CALN1: variants seen among roughly 807,000 people sequenced by gnomAD.
The protein encoded by CALN1 is calneuron 1.
A neutral mutation model predicts 30.6 loss-of-function variants in CALN1; 17 were observed. That is an observed-to-expected ratio of 0.56 (90% confidence interval 0.38 to 0.83). The LOEUF is 0.83. Ranked by LOEUF, CALN1 falls within the 40% of genes least tolerant of loss-of-function variation. The pLI is 0.00. For synonymous variants in CALN1, 156 were observed against 131.4 expected (o/e 1.19, Z -1.28); for missense variants, 291 against 354.9 (o/e 0.82, Z 1.45).
In CALN1 at chr7:71,904,330, G is replaced by A. The variant is rs556469276; in HGVS notation, c.502-93838C>T. On this transcript the variant is annotated intron_variant, in intron 5 of 6. Transcript: ENST00000395275. ...CAAAGGATGAATGGGTAAAGAAAAT[G>A]TAGTATATATTCCCAATGGAATACT... is the stretch of plus-strand genomic sequence containing the variant. 4.6e-5 allele frequency among the ~76,000 whole-genome samples: 7 copies of A among 152,248 alleles called. No individual in the cohort carries two copies. In the South Asian group the frequency reaches 1.5e-3, roughly 32 times the overall value.
chr7:72,086,027 A>G (rs143184502), intron 4 of CALN1, among the ~76,000 whole-genome samples: 1 of 152,194 alleles, frequency 6.6e-6, no homozygotes. Context: ...AAAAATATAT[A>G]AAGTTAGAGA....
At chr7:71,877,791 T>C (rs962978155) in intron 5 of CALN1, among the ~76,000 whole-genome samples, 11 of 152,336 alleles carry the variant, frequency 7.2e-5, no homozygotes, top group Middle Eastern at 3.4e-3. Context: ...GGAATTTATG[T>C]TCATTTGAAA....
the CALN1 span, among the ~76,000 whole-genome samples, chr7:72,492,029 C>T: frequency 1.3e-5 from 2 of 152,306 alleles, no homozygotes; most frequent in East Asian, 3.9e-4. Context: ...CTCCAGTGCC[C>T]TCATCATGCT....
At chr7:72,461,918 G>A in the CALN1 span, among the ~76,000 whole-genome samples, 3 of 152,068 alleles carry the variant, frequency 2.0e-5, no homozygotes, top group Admixed American at 6.6e-5. Flanking sequence ...GGAGGCAGGA[G>A]AATTGCTTGA....
intron 5 of CALN1, among the ~76,000 whole-genome samples, chr7:71,957,148 G>A (rs1797003172): frequency 1.3e-5 from 2 of 151,856 alleles, no homozygotes; most frequent in South Asian, 2.1e-4. Flanking sequence ...ACATGGTCTG[G>A]ATGCTGAAGT....
chr7:72,258,497 A>T (rs1261875704), intron 3 of CALN1, among the ~76,000 whole-genome samples: 1 of 152,182 alleles, frequency 6.6e-6, no homozygotes, highest in Admixed American at 6.5e-5. Flanking sequence ...CAATCAATAA[A>T]CCAGATTAAT....
intron 5 of CALN1, among the ~76,000 whole-genome samples, chr7:71,875,000 A>G (rs1792156988): frequency 6.6e-6 from 1 of 152,086 alleles, no homozygotes; most frequent in Admixed American, 6.6e-5. Flanking sequence ...CCCCGTCTCT[A>G]CTAAAAATAC....
At chr7:72,061,504 A>G (rs1803643569) in intron 4 of CALN1, among the ~76,000 whole-genome samples, 1 of 152,056 alleles carries the variant, frequency 6.6e-6, no homozygotes, top group Non-Finnish European at 1.5e-5. Context: ...CAAGACTACA[A>G]TGAAAATTTC....
intron 3 of CALN1, among the ~76,000 whole-genome samples, chr7:72,187,149 T>C (rs993747117): frequency 2.6e-5 from 4 of 152,154 alleles, no homozygotes; most frequent in African/African-American, 7.2e-5. Flanking sequence ...ATTACTATTA[T>C]TATGACTCTT....
intron 3 of CALN1, among the ~76,000 whole-genome samples, chr7:72,149,547 CAA>C (rs898389835): frequency 9.2e-5 from 14 of 152,070 alleles, no homozygotes; most frequent in Non-Finnish European, 4.4e-5. Context: ...TATAGCAACA[CAA>C]AAACAGATTA....
intron 4 of CALN1, among the ~76,000 whole-genome samples, chr7:72,029,008 T>G (rs538391938): frequency 6.6e-6 from 1 of 152,140 alleles, no homozygotes; most frequent in East Asian, 1.9e-4. Flanking sequence ...TACATACAGA[T>G]AGACAGACAG....
intron 3 of CALN1, among the ~76,000 whole-genome samples, chr7:72,178,462 G>A (rs552142027): frequency 6.6e-6 from 1 of 152,278 alleles, no homozygotes; most frequent in East Asian, 1.9e-4. Context: ...GGAGGCTGAG[G>A]TAGGTGAATC....
chr7:72,498,950 T>C, the CALN1 span, among the ~76,000 whole-genome samples: 1 of 152,148 alleles, frequency 6.6e-6, no homozygotes, highest in Non-Finnish European at 1.5e-5. Context: ...ACGCAAATAA[T>C]TGTTCCTTGG....
intron 3 of CALN1, among the ~76,000 whole-genome samples, chr7:72,114,267 GGGAAGGGAAGGGA>G (rs1335085639): frequency 6.7e-5 from 5 of 74,348 alleles, no homozygotes; most frequent in Admixed American, 3.3e-4. Flanking sequence ...GGGAAGGGAA[GGGAAGGGAAGGGA>G]AGGGAAGGGA....
intron 5 of CALN1, among the ~76,000 whole-genome samples, chr7:71,832,758 G>A (rs977112135): frequency 6.0e-5 from 9 of 150,306 alleles, no homozygotes; most frequent in Admixed American, 1.3e-4. Flanking sequence ...GCACTATCAC[G>A]CCAGGCTAAT....
chr7:72,150,503 G>A (rs1787149225), intron 3 of CALN1, among the ~76,000 whole-genome samples: 1 of 152,194 alleles, frequency 6.6e-6, no homozygotes, highest in Non-Finnish European at 1.5e-5. Context: ...GAGGGTAAGA[G>A]GCTCTCCCTT....
intron 6 of CALN1, among the ~76,000 whole-genome samples, chr7:71,804,085 TTTCTTTA>T (rs1418623019): frequency 1.3e-5 from 2 of 152,184 alleles, no homozygotes; most frequent in African/African-American, 2.4e-5. Flanking sequence ...TCTTATTTTT[TTTCTTTA>T]TTCTTTATTC....
intron 5 of CALN1, among the ~76,000 whole-genome samples, chr7:71,863,598 A>G (rs1260761549): frequency 6.6e-6 from 1 of 151,662 alleles, no homozygotes; most frequent in Non-Finnish European, 1.5e-5. Flanking sequence ...AAAGAAAGAA[A>G]TAACAACAAA....
rs1472352168 is a variant in CALN1 at position 72,266,501 on chromosome 7, A to T, written c.244+12185T>A. ...TGGAAATTTGCAGCTAATGTCATGCACATTCCGAGCCAATGTGTTCCTTTA... is the reference window on the plus strand; with the variant it reads ...TGGAAATTTGCAGCTAATGTCATGCTCATTCCGAGCCAATGTGTTCCTTTA... On this transcript the variant is annotated intron_variant, in intron 3 of 6. Transcript: ENST00000395275. Among the ~76,000 whole-genome samples, 4 of 152,300 alleles carry T rather than the reference A, an allele frequency of 2.6e-5. No homozygotes were observed. In the East Asian group the frequency reaches 7.7e-4, roughly 29 times the overall value.
Sources: gnomAD v4.1 joint callset for allele counts (sites outside exome capture counted in the v4.1 genomes callset) on GRCh38, gnomAD v4.1.1 for gene constraint, MANE v1.5 for transcripts, NCBI Gene and HGNC (gene_info 2026-07-23, HGNC 2026-07-21) for gene names.